DAB2IP: variants seen among roughly 807,000 people sequenced by gnomAD.
DAB2IP encodes DAB2 interacting protein.
A neutral mutation model predicts 107.2 loss-of-function variants in DAB2IP; 28 were observed. The ratio of observed to expected loss-of-function variants is 0.26; its 90% CI spans 0.19 to 0.36. DAB2IP has a LOEUF of 0.36. Ranked by LOEUF, DAB2IP falls within the 10% of genes least tolerant of loss-of-function variation. DAB2IP has a pLI of 1.00. For missense variants in DAB2IP, 1,400 were observed against 1,644.7 expected (o/e 0.85, Z 2.57); for synonymous variants, 755 against 706.4 (o/e 1.07, Z -1.09).
At chr9:121,589,132 C>T (rs926628671) in intron 1 of DAB2IP, among the ~76,000 whole-genome samples, 1 of 152,098 alleles carries the variant, frequency 6.6e-6, no homozygotes, top group Non-Finnish European at 1.5e-5. Flanking sequence ...GTGATATGAT[C>T]GGATCTGTGC....
chr9:121,602,855 G>A (rs764947536), intron 1 of DAB2IP, among the ~76,000 whole-genome samples: 2 of 152,196 alleles, frequency 1.3e-5, no homozygotes, highest in Non-Finnish European at 2.9e-5. Context: ...GATTACAGGC[G>A]TGAGCCACCG....
intron 1 of DAB2IP, among the ~76,000 whole-genome samples, chr9:121,637,133 G>T (rs1485951763): frequency 6.6e-6 from 1 of 152,168 alleles, no homozygotes; most frequent in Non-Finnish European, 1.5e-5. Flanking sequence ...GCTGCTATTT[G>T]CTTCCTGGAG....
rs1835786804 is a variant in DAB2IP at position 121,783,262 on chromosome 9, A to G, written c.*764A>G. The stretch of plus-strand genomic sequence containing the variant: ...TCTTGTCCCTGTGGGGAGGACCCAC[A>G]GCTTCCCACACCTCCCACACAGGCC... On this transcript the variant is annotated 3_prime_UTR_variant, in exon 16 of 16. Coordinates refer to ENST00000408936, the Ensembl canonical transcript of DAB2IP. 1.0e-5 allele frequency: 14 copies of G among 1,334,040 alleles called. No homozygotes were observed. In the East Asian group the frequency reaches 4.3e-4, roughly 41 times the overall value. The allele number at this position is 1,334,040 out of a possible 1,614,324, so 82.6% of individuals were successfully genotyped here. A position where few individuals can be genotyped will look rare whatever the true frequency, so the allele number is the denominator to read the frequency against.
intron 1 of DAB2IP, among the ~76,000 whole-genome samples, chr9:121,592,651 G>A (rs753632173): frequency 7.2e-5 from 11 of 152,188 alleles, no homozygotes; most frequent in Non-Finnish European, 8.8e-5. Context: ...CCAATTCATC[G>A]TCTAGAGTCT....
chr9:121,616,507 C>T (rs369648815), intron 1 of DAB2IP, among the ~76,000 whole-genome samples: 110 of 152,242 alleles, frequency 7.2e-4, no homozygotes, highest in African/African-American at 2.5e-3. Flanking sequence ...TGGCGGCTAG[C>T]GGCTCTGCTG....
chr9:121,640,287 G>A (rs1832235556), intron 1 of DAB2IP, among the ~76,000 whole-genome samples: 1 of 152,098 alleles, frequency 6.6e-6, no homozygotes. Context: ...TCTAGAAAGA[G>A]CTCACTGTTC....
intron 5 of DAB2IP, among the ~76,000 whole-genome samples, chr9:121,759,280 C>T (rs1362361563): frequency 6.6e-6 from 1 of 152,210 alleles, no homozygotes; most frequent in Admixed American, 6.5e-5. Flanking sequence ...CCCCTTGTCC[C>T]TACTCCCCAG....
intron 1 of DAB2IP, among the ~76,000 whole-genome samples, chr9:121,654,118 AG>A (rs939248436): frequency 2.6e-5 from 4 of 152,192 alleles, no homozygotes; most frequent in Non-Finnish European, 5.9e-5. Context: ...GGGTCATGTG[AG>A]GGCCAGAAGC....
chr9:121,762,862 A>T (rs1833993023), intron 6 of DAB2IP, among the ~76,000 whole-genome samples: 1 of 152,152 alleles, frequency 6.6e-6, no homozygotes, highest in African/African-American at 2.4e-5. Flanking sequence ...TTCCCACAAC[A>T]CTGTGTGTGG....
chr9:121,768,596 A>T, exon 10 of DAB2IP: 1 of 1,613,948 alleles, frequency 6.2e-7, no homozygotes, highest in Non-Finnish European at 8.5e-7. Flanking sequence ...TCCAGCCTGC[A>T]CTCACTGCTC....
upstream of DAB2IP, among the ~76,000 whole-genome samples, chr9:121,648,600 G>C (rs1275445090): frequency 6.6e-6 from 1 of 152,280 alleles, no homozygotes; most frequent in East Asian, 1.9e-4. Flanking sequence ...TACTAAACTT[G>C]CATGTTTCCA....
At chr9:121,640,916 G>T (rs1339790181) in intron 1 of DAB2IP, among the ~76,000 whole-genome samples, 1 of 152,180 alleles carries the variant, frequency 6.6e-6, no homozygotes, top group Non-Finnish European at 1.5e-5. Context: ...TGAGCTCCCT[G>T]TCACCAAAGG....
chr9:121,666,070 A>C (rs749629202), intron 1 of DAB2IP, among the ~76,000 whole-genome samples: 2 of 152,212 alleles, frequency 1.3e-5, no homozygotes, highest in Non-Finnish European at 2.9e-5. Context: ...AGGTGTCAGC[A>C]GGGCTGTATT....
intron 3 of DAB2IP, chr9:121,751,942 C>T (rs999569391): frequency 1.0e-6 from 1 of 985,504 alleles, no homozygotes; most frequent in Non-Finnish European, 1.2e-6. Context: ...GGTGCCACCT[C>T]CTTCCTGGGA....
chr9:121,782,328 C>CA lies in DAB2IP; in HGVS notation c.3403-2dup, dbSNP rs1835726214. ...CCCCCGCTCACATCCCCATTGTCCACAGGAGAAGCGCATTGCCTCGTTGGA... is the reference window on the plus strand; with the variant it reads ...CCCCCGCTCACATCCCCATTGTCCACAAGGAGAAGCGCATTGCCTCGTTGGA... On this transcript the variant is annotated splice_region_variant and splice_polypyrimidine_tract_variant and intron_variant, in intron 15 of 15. Transcript: ENST00000408936. The surrounding 1 kb of genome is among the most constrained non-coding windows in gnomAD (Gnocchi z 6.1). 1 of 1,613,410 alleles carries CA rather than the reference C, an allele frequency of 6.2e-7. No homozygotes were observed. Among genetic ancestry groups the CA allele is most frequent in the Admixed American group, 1.7e-5 (1 of 59,970 alleles).
intron 3 of DAB2IP, among the ~76,000 whole-genome samples, chr9:121,734,395 A>AC: frequency 7.1e-6 from 1 of 140,644 alleles, no homozygotes; most frequent in East Asian, 1.9e-4. Flanking sequence ...AAAAAAAAAA[A>AC]AAAAAAGATG....
At chr9:121,720,728 G>A (rs1265811619) in intron 3 of DAB2IP, among the ~76,000 whole-genome samples, 3 of 152,158 alleles carry the variant, frequency 2.0e-5, no homozygotes, top group Non-Finnish European at 4.4e-5. Context: ...CCGTATCCCA[G>A]GAAGCAGGGC....
chr9:121,730,945 G>GCACAGAAGTTGTTGGGGA (rs1252302305), intron 3 of DAB2IP, among the ~76,000 whole-genome samples: 7 of 152,340 alleles, frequency 4.6e-5, no homozygotes, highest in Admixed American at 2.6e-4. Flanking sequence ...GTTGGTGGGG[G>GCACAGAAGTTGTTGGGGA]CACAGAAGTT....
intron 1 of DAB2IP, among the ~76,000 whole-genome samples, chr9:121,660,902 G>C (rs1266018430): frequency 2.0e-5 from 3 of 152,140 alleles, no homozygotes; most frequent in African/African-American, 7.2e-5. Context: ...CTACTTCATA[G>C]TTTTCATTTA....
Sources: gnomAD v4.1 joint callset for allele counts (sites outside exome capture counted in the v4.1 genomes callset) on GRCh38, gnomAD v4.1.1 for gene constraint, Gnocchi (gnomAD v3.1) non-coding constraint, MANE v1.5 for transcripts, NCBI Gene and HGNC (gene_info 2026-07-23, HGNC 2026-07-21) for gene names.